FMN1: variants seen among roughly 807,000 people sequenced by gnomAD.
FMN1 encodes the protein formin 1, also known as formin-1.
A neutral mutation model predicts 132.4 loss-of-function variants in FMN1; 110 were observed. That is an observed-to-expected ratio of 0.83 (90% CI 0.71 to 0.97). FMN1 has a LOEUF of 0.97. Among genes scored for constraint, FMN1 ranks in the 50% least tolerant of loss-of-function variants. The pLI is 0.00. For synonymous variants in FMN1, 722 were observed against 651.7 expected (o/e 1.11, Z -1.64); for missense variants, 1,792 against 1,705.3 (o/e 1.05, Z -0.90).
chr15:32,941,490 G>C (rs905390167), intron 9 of FMN1, among the ~76,000 whole-genome samples: 1 of 152,120 alleles, frequency 6.6e-6, no homozygotes, highest in Admixed American at 6.6e-5. Context: ...CACATTTATA[G>C]CCATTTTCTC....
intron 9 of FMN1, among the ~76,000 whole-genome samples, chr15:32,928,000 GACA>G (rs1278989164): frequency 6.6e-6 from 1 of 152,176 alleles, no homozygotes; most frequent in Non-Finnish European, 1.5e-5. Flanking sequence ...AAAAGTAAGG[GACA>G]ACAATAGTTT....
At chr15:33,041,793 G>C (rs973158168) in intron 6 of FMN1, among the ~76,000 whole-genome samples, 1 of 152,102 alleles carries the variant, frequency 6.6e-6, no homozygotes, top group African/African-American at 2.4e-5. Context: ...AGTGGCAGTT[G>C]TTTAATGCAC....
At position 32,898,891 on chromosome 15, in the gene FMN1, A is replaced by G; in HGVS notation, c.3657T>C (p.Asp1219=). ...CGTAGTCCACCAGATTAATCCCATT[A>G]TCCTAGGTTTAAAAGAGAAATGTAC... ...LPKLKDVKSR[D]NGINLVDYVV... The change falls in exon 15 of 21, where the codon GAT becomes GAC. Residue 1219 remains aspartate, a splice_region_variant and synonymous_variant. Transcript: ENST00000616417. 1 of 1,582,548 alleles carries G rather than the reference A, an allele frequency of 6.3e-7. No individual in the cohort carries two copies. The highest frequency in any genetic ancestry group is 1.7e-5 in the Admixed American group (1 of 59,604).
At chr15:33,167,380 C>T (rs576986938) in intron 3 of FMN1, among the ~76,000 whole-genome samples, 5 of 152,288 alleles carry the variant, frequency 3.3e-5, no homozygotes, top group South Asian at 2.1e-4. Flanking sequence ...CCTCCCCAGC[C>T]GTGTGGAACT....
At chr15:33,015,960 C>T (rs931529157) in intron 6 of FMN1, among the ~76,000 whole-genome samples, 6 of 152,170 alleles carry the variant, frequency 3.9e-5, no homozygotes, top group African/African-American at 1.4e-4. Context: ...TCACCTGGAA[C>T]ATCTTAGAAA....
At chr15:32,861,850 T>TG (rs1187384940) in intron 16 of FMN1, among the ~76,000 whole-genome samples, 2 of 152,122 alleles carry the variant, frequency 1.3e-5, no homozygotes, top group African/African-American at 4.8e-5. Flanking sequence ...CGAAGCAAAA[T>TG]GGGAAACAAT....
intron 4 of FMN1, among the ~76,000 whole-genome samples, chr15:33,125,745 C>G (rs1212059118): frequency 6.8e-6 from 1 of 147,280 alleles, no homozygotes; most frequent in Admixed American, 6.6e-5. Flanking sequence ...GTTAAATGGC[C>G]AACTTTGTAT....
chr15:32,783,433 A>T (rs571299526), intron 19 of FMN1, among the ~76,000 whole-genome samples: 1 of 152,104 alleles, frequency 6.6e-6, no homozygotes, highest in Non-Finnish European at 1.5e-5. Flanking sequence ...GTTCTTGCCT[A>T]GTCTTGACTC....
chr15:33,047,793 G>A (rs2141155773), intron 6 of FMN1, among the ~76,000 whole-genome samples: 1 of 152,172 alleles, frequency 6.6e-6, no homozygotes, highest in South Asian at 2.1e-4. Flanking sequence ...AGCTGTGCCT[G>A]CTTATTATAT....
At position 32,893,964 on chromosome 15, in the gene FMN1, C is replaced by A. The variant is rs149873881; in HGVS notation, c.3714+4870G>T. 3.9e-5 allele frequency among the ~76,000 whole-genome samples: 6 copies of A among 152,322 alleles called. No homozygotes were observed. In the East Asian group the frequency reaches 1.2e-3, roughly 29 times the overall value. On this transcript the variant is annotated intron_variant, in intron 15 of 20. Transcript: ENST00000616417. ...CCCTCAAAGATTCTTCAGGATAATT[C>A]TTCTGCCACACTAGTACCTGCTGTC...
At chr15:32,782,280 T>C (rs1364851081) in intron 19 of FMN1, among the ~76,000 whole-genome samples, 1 of 152,230 alleles carries the variant, frequency 6.6e-6, no homozygotes, top group African/African-American at 2.4e-5. Context: ...TCTTAGTATC[T>C]ACGTGACAAA....
chr15:32,900,348 G>T (rs1431900742), intron 13 of FMN1: 2 of 683,492 alleles, frequency 2.9e-6, no homozygotes, highest in Non-Finnish European at 5.4e-6. Flanking sequence ...TATAAACAGT[G>T]CATGTTTTAA....
At chr15:33,011,475 A>G (rs1193435603) in intron 6 of FMN1, among the ~76,000 whole-genome samples, 1 of 152,076 alleles carries the variant, frequency 6.6e-6, no homozygotes, top group African/African-American at 2.4e-5. Context: ...TAATTATCTT[A>G]TAAAATTTAT....
At chr15:33,178,571 C>G (rs1042238137) in intron 3 of FMN1, among the ~76,000 whole-genome samples, 2 of 152,192 alleles carry the variant, frequency 1.3e-5, no homozygotes, top group Non-Finnish European at 2.9e-5. Flanking sequence ...GTTTCCCTCC[C>G]TCCTTAACCC....
At chr15:32,777,398 A>G (rs1387815253) in intron 19 of FMN1, among the ~76,000 whole-genome samples, 2 of 150,212 alleles carry the variant, frequency 1.3e-5, no homozygotes. Context: ...ATATAAATAT[A>G]TGTATTTTTC....
At chr15:33,191,565 C>T (rs975593674) in intron 2 of FMN1, among the ~76,000 whole-genome samples, 8 of 152,182 alleles carry the variant, frequency 5.3e-5, no homozygotes, top group African/African-American at 1.7e-4. Context: ...CACAGAAATC[C>T]AGGTTACTCT....
At chr15:33,150,000 A>C (rs1964379513) in intron 4 of FMN1, 1 of 985,324 alleles carries the variant, frequency 1.0e-6, no homozygotes, top group East Asian at 1.1e-4. Context: ...GAATTGATCA[A>C]GAGATTCTCA....
chr15:33,160,263 A>T (rs1964835982), intron 3 of FMN1, among the ~76,000 whole-genome samples: 1 of 152,168 alleles, frequency 6.6e-6, no homozygotes, highest in African/African-American at 2.4e-5. Context: ...GGAACACTGC[A>T]AAAGCTTTGA....
At chr15:32,798,216 A>ACACCCCCC (rs1286307994) in intron 19 of FMN1, among the ~76,000 whole-genome samples, 1 of 140,876 alleles carries the variant, frequency 7.1e-6, no homozygotes, top group African/African-American at 2.6e-5. Context: ...ACACACACAC[A>ACACCCCCC]CCCCGTCTAT....
Sources: allele counts gnomAD v4.1 joint callset (sites outside exome capture counted in the v4.1 genomes callset), GRCh38; gene constraint gnomAD v4.1.1; transcripts MANE v1.5; gene names NCBI Gene and HGNC (gene_info 2026-07-23, HGNC 2026-07-21).